Variants in THRA observed in about 807,000 individuals in gnomAD.
THRA encodes thyroid hormone receptor alpha, also known as EAR-7.
Under a neutral mutation model 45.0 loss-of-function variants are expected in THRA, and 13 were observed. The observed-to-expected ratio is 0.29, with a 90% CI of 0.19 to 0.46. The LOEUF is 0.46. Among genes scored for constraint, THRA ranks in the 20% least tolerant of loss-of-function variants. The pLI is 1.00. For missense variants in THRA, 278 were observed against 556.1 expected (o/e 0.50, Z 5.03); for synonymous variants, 195 against 214.0 (o/e 0.91, Z 0.78).
chr17:40,071,775 C>G (rs1986785735), intron 1 of THRA, among the ~76,000 whole-genome samples: 1 of 152,220 alleles, frequency 6.6e-6, no homozygotes, highest in South Asian at 2.1e-4. Context: ...GTGGCTAACA[C>G]AGGCTCATGT....
chr17:40,089,550 C>T lies in THRA; in HGVS notation c.*94C>T, dbSNP rs1474258886. On this transcript the variant is annotated 3_prime_UTR_variant, in exon 9 of 9. Coordinates refer to ENST00000450525, the MANE Select transcript of THRA (RefSeq NM_199334.5). The surrounding 1 kb of genome is among the most constrained non-coding windows in gnomAD (Gnocchi z 6.1). ...GGCTGAGGGAGACCCCCCCACACCC[C>T]TTCTCTCCTTCCTCTCGTCCTTGGA... 4.0e-6 allele frequency: 6 copies of T among 1,504,026 alleles called. No individual in the cohort carries two copies. Among genetic ancestry groups the T allele is most frequent in the Non-Finnish European group, 5.3e-6 (6 of 1,129,878 alleles). 93.2% of individuals were successfully genotyped at this position (1,504,026 alleles called of 1,614,324 possible).
At position 40,090,150 on chromosome 17, in the gene THRA, T is replaced by G; in HGVS notation, c.*694T>G. 49 of 365,732 alleles carry G rather than the reference T, an allele frequency of 1.3e-4. No homozygotes were observed. The highest frequency in any genetic ancestry group is 2.3e-4 in the South Asian group (2 of 8,854). 22.7% of individuals were successfully genotyped at this position (365,732 alleles called of 1,614,324 possible). ...TTACCACCCCATGCACTTTGCGAGC[T>G]GCCCCTTCTTCCCCCACATCAGAGA... On this transcript the variant is annotated 3_prime_UTR_variant, in exon 9 of 9. Coordinates refer to ENST00000450525, the MANE Select transcript of THRA (RefSeq NM_199334.5).
At chr17:40,084,589 C>G in intron 5 of THRA, 21 bp from the exon 6 acceptor site, 1 of 1,613,106 alleles carries the variant, frequency 6.2e-7, no homozygotes. Flanking sequence ...TGCGTTAGAC[C>G]TTGTGCCTCT....
At chr17:40,085,086 C>T (rs1987276553) in intron 6 of THRA, among the ~76,000 whole-genome samples, 1 of 152,150 alleles carries the variant, frequency 6.6e-6, no homozygotes, top group Admixed American at 6.5e-5. Context: ...TCTTCTTTTT[C>T]CTGCCCTTAG....
Position 40,080,236 on chromosome 17 carries a change from C to CA in THRA, c.222+2635dup, listed in dbSNP as rs568048114. On this transcript the variant is annotated intron_variant, in intron 4 of 8. Transcript: ENST00000450525. ...GCAACATAGTGAGACCCTGTCCATA[C>CA]AAAAAAATTTTTAAAGTAGCCAGGC... Among the ~76,000 whole-genome samples the CA allele has an allele frequency of 3.7e-4, 57 of 152,012 alleles. 1 individual carries two copies. In the East Asian group the frequency reaches 0.011, roughly 29 times the overall value.
rs2145081345 is a variant in THRA at position 40,086,813 on chromosome 17, G to A, written c.683G>A (p.Arg228His). The A allele has an allele frequency of 6.2e-7, 1 of 1,614,142 alleles. No homozygotes were observed. Among genetic ancestry groups the A allele is most frequent in the Non-Finnish European group, 8.5e-7 (1 of 1,180,024 alleles). ...AAGATCATCACCCCGGCCATCACCC[G>A]TGTGGTGGACTTTGCCAAAAAACTG... ...FTKIITPAIT[R>H]VVDFAKKLPM... The change falls in exon 7 of 9, where the codon CGT (arginine) becomes CAT (histidine). Residue 228 changes from arginine (R) to histidine (H), a missense_variant. Physicochemically the swap from Arg to His is conservative, Grantham distance 29. Coordinates refer to ENST00000450525, the MANE Select transcript of THRA (RefSeq NM_199334.5).
In THRA at chr17:40,084,765, C is replaced by G; in HGVS notation, c.526C>G (p.Arg176Gly). 1 of 1,614,040 alleles carries G rather than the reference C, an allele frequency of 6.2e-7. No homozygotes were observed. Among genetic ancestry groups the G allele is most frequent in the Non-Finnish European group, 8.5e-7 (1 of 1,180,018 alleles). ...DLIHIATEAH[R>G]STNAQGSHWK... ...GATCCACATTGCCACAGAGGCCCAT[C>G]GCAGCACCAATGCCCAGGGCAGCCA... The change falls in exon 6 of 9, where the codon CGC (arginine) becomes GGC (glycine). Residue 176 changes from arginine (R) to glycine (G), a missense_variant. By Grantham distance (125) the Arg-to-Gly change is moderately radical. Transcript: ENST00000450525.
intron 1 of THRA, among the ~76,000 whole-genome samples, chr17:40,065,990 A>G (rs1165649302): frequency 6.6e-6 from 1 of 152,218 alleles, no homozygotes; most frequent in Non-Finnish European, 1.5e-5. Flanking sequence ...GGTCCACTGC[A>G]GGGCTCACAA....
At chr17:40,062,858 C>G (rs1453699209), upstream of THRA, 2 of 145,960 alleles carry the variant, frequency 1.4e-5, no homozygotes, top group Admixed American at 6.8e-5. Context: ...GCGCCGAGCC[C>G]GAGCCCCAGC....
intron 7 of THRA, 62 bp from the exon 8 acceptor site, chr17:40,088,180 G>A: frequency 5.2e-6 from 8 of 1,538,794 alleles, no homozygotes; most frequent in Non-Finnish European, 7.0e-6. Context: ...GACACTCTAG[G>A]GGAGACTCAA....
chr17:40,071,082 T>A (rs1986759085), intron 1 of THRA, among the ~76,000 whole-genome samples: 1 of 151,284 alleles, frequency 6.6e-6, no homozygotes, highest in Non-Finnish European at 1.5e-5. Context: ...CTTCCCTCTT[T>A]CCCCCACCAG....
chr17:40,083,925 A>C lies in THRA; in HGVS notation c.313A>C (p.Asn105His). The C allele has an allele frequency of 6.2e-7, 1 of 1,613,938 alleles. No individual in the cohort carries two copies. The highest frequency in any genetic ancestry group is 8.5e-7 in the Non-Finnish European group (1 of 1,179,902). Residue 105 changes from asparagine to histidine, a missense_variant, in exon 5 of 9, where the codon AAT (asparagine) becomes CAT (histidine). Physicochemically the swap from Asn to His is moderately conservative, Grantham distance 68. Transcript: ENST00000450525. Reference protein sequence around the residue: ...SCCVIDKITRNQCQLCRFKKC... With the variant: ...SCCVIDKITRHQCQLCRFKKC... ...CTGTGTCATTGACAAGATCACCCGCAATCAGTGCCAGCTGTGCCGCTTCAA... is the reference window on the plus strand; with the variant it reads ...CTGTGTCATTGACAAGATCACCCGCCATCAGTGCCAGCTGTGCCGCTTCAA...
Position 40,089,135 on chromosome 17 carries a change from C to G in THRA, c.983-71C>G, listed in dbSNP as rs2145086759. ...CCTCTAGTCCTTTCTTCCCACGTCCCCACACCTCACCCTCCCCATCTCCAG... is the reference window on the plus strand; with the variant it reads ...CCTCTAGTCCTTTCTTCCCACGTCCGCACACCTCACCCTCCCCATCTCCAG... On this transcript the variant is annotated intron_variant, in intron 8 of 8. Transcript: ENST00000450525. The surrounding 1 kb of genome is among the most constrained non-coding windows in gnomAD (Gnocchi z 6.1). 1 of 1,503,762 alleles carries G rather than the reference C, an allele frequency of 6.6e-7. No individual in the cohort carries two copies. Among genetic ancestry groups the G allele is most frequent in the South Asian group, 1.2e-5 (1 of 85,410 alleles). 93.2% of individuals were successfully genotyped at this position (1,503,762 alleles called of 1,614,324 possible). A position where few individuals can be genotyped will look rare whatever the true frequency, so the allele number is the denominator to read the frequency against.
At chr17:40,093,424 A>T, downstream of THRA, 5 of 1,576,564 alleles carry the variant, frequency 3.2e-6, no homozygotes, top group Non-Finnish European at 4.3e-6. This position sits in a 1 kb window ranked among gnomAD's most constrained non-coding sequence, Gnocchi z 5.9. Context: ...GGAGTGCCAT[A>T]CCTTCTCCCA....
chr17:40,086,644 G>A (rs1987328613), intron 6 of THRA, 63 bp from the exon 7 acceptor site: 4 of 1,576,130 alleles, frequency 2.5e-6, no homozygotes, highest in Non-Finnish European at 3.5e-6. Context: ...TGGTGGGCAG[G>A]GAGCCTCAGT....
intron 4 of THRA, among the ~76,000 whole-genome samples, chr17:40,081,979 T>A (rs546673606): frequency 6.7e-6 from 1 of 149,840 alleles, no homozygotes; most frequent in Admixed American, 6.6e-5. Context: ...AAAAAAAAAA[T>A]TAAATTAAAA....
Position 40,092,851 on chromosome 17 carries a change from G to C in THRA, c.*3395G>C, listed in dbSNP as rs1209094685. 2.1e-6 allele frequency: 2 copies of C among 941,828 alleles called. No homozygotes were observed. Among genetic ancestry groups the C allele is most frequent in the Non-Finnish European group, 3.1e-6 (2 of 646,930 alleles). The allele number at this position is 941,828 out of a possible 1,614,324, so 58.3% of individuals were successfully genotyped here. On this transcript the variant is annotated 3_prime_UTR_variant, in exon 9 of 9. Transcript: ENST00000450525. ...AGAACAAATCAGAGGGCCAGGGGAG[G>C]GTTGTGGGGGAGACAGAGTGGTTTA...
Position 40,074,499 on chromosome 17 carries a change from A to G in THRA, c.11A>G (p.Lys4Arg). 1 of 1,614,112 alleles carries G rather than the reference A, an allele frequency of 6.2e-7. No individual in the cohort carries two copies. The highest frequency in any genetic ancestry group is 8.5e-7 in the Non-Finnish European group (1 of 1,179,972). ...ATGGAATTGAAGTGAATGGAACAGA[A>G]GCCAAGCAAGGTGGAGTGTGGGTCA... MEQ[K>R]PSKVECGSDP... Residue 4 changes from lysine to arginine, a missense_variant, in exon 2 of 9, where the codon AAG (lysine) becomes AGG (arginine). This residue lies in a region of THRA where 34 missense variants were observed against 39.7 expected (regional missense o/e 0.86). Transcript: ENST00000450525.
At chr17:40,080,424 A>C (rs1203197645) in intron 4 of THRA, among the ~76,000 whole-genome samples, 2 of 146,432 alleles carry the variant, frequency 1.4e-5, no homozygotes, top group Non-Finnish European at 3.1e-5. Flanking sequence ...AAACAAACAA[A>C]AAAAAAAAAC....
Sources: allele counts gnomAD v4.1 joint callset (sites outside exome capture counted in the v4.1 genomes callset), GRCh38; gene constraint gnomAD v4.1.1; regional missense constraint gnomAD v4.1.1; non-coding constraint Gnocchi (gnomAD v3.1); transcripts MANE v1.5; gene names NCBI Gene and HGNC (gene_info 2026-07-23, HGNC 2026-07-21).